Variants in GTF2E2 observed in about 807,000 individuals in gnomAD.
The protein encoded by GTF2E2 is general transcription factor IIE subunit 2.
Under a neutral mutation model 40.5 loss-of-function variants are expected in GTF2E2, and 21 were observed. That is an observed-to-expected ratio of 0.52 (90% CI 0.37 to 0.75). The LOEUF (loss-of-function observed/expected upper bound fraction) is 0.75. Ranked by LOEUF, GTF2E2 falls within the 30% of genes least tolerant of loss-of-function variation. GTF2E2 has a pLI of 0.00. For missense variants in GTF2E2, 298 were observed against 338.4 expected (o/e 0.88, Z 0.94); for synonymous variants, 117 against 121.6 (o/e 0.96, Z 0.25).
At chr8:30,584,246 G>A (rs1014911161) in intron 6 of GTF2E2, among the ~76,000 whole-genome samples, 1 of 150,262 alleles carries the variant, frequency 6.7e-6, no homozygotes, top group Non-Finnish European at 1.5e-5. Context: ...CTTTCTGGCG[G>A]TACTAAAAGA....
intron 2 of GTF2E2, chr8:30,637,156 T>C: frequency 2.2e-6 from 1 of 452,084 alleles, no homozygotes; most frequent in South Asian, 1.6e-5. Flanking sequence ...ACACAGATTA[T>C]TCCATCTGAA....
intron 3 of GTF2E2, among the ~76,000 whole-genome samples, chr8:30,627,122 C>T (rs569040817): frequency 5.9e-5 from 9 of 152,276 alleles, no homozygotes; most frequent in African/African-American, 1.9e-4. Flanking sequence ...ACTGAAAAGG[C>T]TCCACTCTCA....
intron 2 of GTF2E2, chr8:30,637,140 G>C: frequency 2.2e-6 from 1 of 445,328 alleles, no homozygotes; most frequent in Non-Finnish European, 4.5e-6. Flanking sequence ...GTAATAAACA[G>C]CCTTTACACA....
At chr8:30,604,295 T>G (rs1407860144) in intron 6 of GTF2E2, among the ~76,000 whole-genome samples, 1 of 152,092 alleles carries the variant, frequency 6.6e-6, no homozygotes, top group African/African-American at 2.4e-5. Context: ...AGTGTAAGGG[T>G]GGTTAAATAT....
At chr8:30,623,333 A>G (rs1028002580) in intron 3 of GTF2E2, among the ~76,000 whole-genome samples, 1 of 152,000 alleles carries the variant, frequency 6.6e-6, no homozygotes, top group Admixed American at 6.5e-5. Flanking sequence ...GCTGAGAATG[A>G]TGGTTTCCAG....
At chr8:30,583,461 C>T (rs1019794082) in intron 6 of GTF2E2, among the ~76,000 whole-genome samples, 3 of 151,886 alleles carry the variant, frequency 2.0e-5, no homozygotes, top group Admixed American at 6.6e-5. Flanking sequence ...CTCACTGAAG[C>T]CTCAACTTCC....
intron 6 of GTF2E2, among the ~76,000 whole-genome samples, chr8:30,600,081 AAAGGTG>A: frequency 6.6e-6 from 1 of 152,356 alleles, no homozygotes; most frequent in African/African-American, 2.4e-5. Context: ...TTCTTAAGAT[AAAGGTG>A]AAACTGTTTA....
intron 3 of GTF2E2, among the ~76,000 whole-genome samples, chr8:30,631,698 T>C (rs185299353): frequency 3.9e-5 from 6 of 152,342 alleles, no homozygotes; most frequent in Admixed American, 6.5e-5. Context: ...ATCTCTTTCA[T>C]TAATTACCCA....
At chr8:30,630,013 A>G (rs563924186) in intron 3 of GTF2E2, among the ~76,000 whole-genome samples, 1 of 152,234 alleles carries the variant, frequency 6.6e-6, no homozygotes, top group African/African-American at 2.4e-5. Context: ...AGGCATCCTA[A>G]GGGGATTTTC....
intron 6 of GTF2E2, among the ~76,000 whole-genome samples, chr8:30,599,204 C>G (rs1313397245): frequency 6.6e-6 from 1 of 152,054 alleles, no homozygotes; most frequent in Non-Finnish European, 1.5e-5. Flanking sequence ...ATCTTTTGAT[C>G]CAGCAATTCA....
chr8:30,586,546 A>G (rs924561422), intron 6 of GTF2E2, among the ~76,000 whole-genome samples: 1 of 152,190 alleles, frequency 6.6e-6, no homozygotes, highest in Non-Finnish European at 1.5e-5. Context: ...ATAATTCTAA[A>G]AGTCTAATGG....
intron 2 of GTF2E2, chr8:30,645,558 G>A: frequency 1.3e-6 from 2 of 1,535,636 alleles, no homozygotes; most frequent in Non-Finnish European, 1.7e-6. Context: ...TTAGAAGTAT[G>A]ATGGACAACA....
intron 5 of GTF2E2, among the ~76,000 whole-genome samples, chr8:30,608,826 T>C (rs1484249934): frequency 4.6e-5 from 7 of 152,212 alleles, no homozygotes; most frequent in African/African-American, 7.2e-5. Context: ...CTTGGCTCAC[T>C]GCAAGCTCCG....
At chr8:30,606,582 T>C (rs1350530147) in intron 6 of GTF2E2, among the ~76,000 whole-genome samples, 1 of 152,146 alleles carries the variant, frequency 6.6e-6, no homozygotes. Context: ...TAGTAAGAGA[T>C]TCAATATACA....
At chr8:30,657,358 T>C (rs1802479795) in intron 1 of GTF2E2, among the ~76,000 whole-genome samples, 2 of 152,152 alleles carry the variant, frequency 1.3e-5, no homozygotes, top group Admixed American at 1.3e-4. Context: ...CCACGATTCT[T>C]GCCACCATTC....
intron 5 of GTF2E2, among the ~76,000 whole-genome samples, 193 bp downstream of exon 5, chr8:30,612,106 T>G (rs1413570803): frequency 6.6e-6 from 1 of 152,172 alleles, no homozygotes; most frequent in East Asian, 1.9e-4. Flanking sequence ...CCCGTCAAAG[T>G]TACACAGAGA....
intron 6 of GTF2E2, among the ~76,000 whole-genome samples, chr8:30,583,375 C>T (rs758211275): frequency 6.7e-6 from 1 of 148,580 alleles, no homozygotes; most frequent in Admixed American, 6.6e-5. Context: ...GCTGCTCTTC[C>T]TTCAGTTCAC....
chr8:30,643,942 T>C (rs1237295770), intron 2 of GTF2E2: 1 of 152,310 alleles, frequency 6.6e-6, no homozygotes, highest in African/African-American at 2.4e-5. Flanking sequence ...TAAACATTTG[T>C]TATAAAAATA....
chr8:30,647,722 C>CT (rs1802142701), intron 2 of GTF2E2, among the ~76,000 whole-genome samples: 1 of 152,290 alleles, frequency 6.6e-6, no homozygotes, highest in African/African-American at 2.4e-5. Context: ...ATATAAAATA[C>CT]TTTGGAAACC....
Sources: allele counts gnomAD v4.1 joint callset (sites outside exome capture counted in the v4.1 genomes callset), GRCh38; gene constraint gnomAD v4.1.1; transcripts MANE v1.5; gene names NCBI Gene and HGNC (gene_info 2026-07-23, HGNC 2026-07-21).